The following HGF variants were observed in gnomAD, a reference collection of about 807,000 sequenced individuals.
The protein encoded by HGF is fibroblast-derived tumor cytotoxic factor.
HGF carries 39 observed loss-of-function variants against 111.6 expected under a neutral mutation model. The ratio of observed to expected loss-of-function variants is 0.35; its 90% confidence interval spans 0.27 to 0.46. The LOEUF (loss-of-function observed/expected upper bound fraction) is 0.46. Ranked by LOEUF, HGF falls within the 20% of genes least tolerant of loss-of-function variation. The pLI is 1.00. For synonymous variants in HGF, 285 were observed against 294.8 expected, an observed-to-expected ratio of 0.97 and a Z score of 0.34; for missense variants, 735 against 910.5, an observed-to-expected ratio of 0.81 and a Z score of 2.48.
At chr7:81,727,617 A>C (rs2115917144) in intron 8 of HGF, among the ~76,000 whole-genome samples, 1 of 152,254 alleles carries the variant, frequency 6.6e-6, no homozygotes, top group Middle Eastern at 3.4e-3. Context: ...TATGTGTGTT[A>C]AATTTTACAT....
At chr7:81,750,680 G>A (rs548751990) in intron 5 of HGF, among the ~76,000 whole-genome samples, 2 of 152,106 alleles carry the variant, frequency 1.3e-5, no homozygotes, top group Admixed American at 1.3e-4. Context: ...AACCAGGCAG[G>A]TAACGAAAAT....
intron 7 of HGF, among the ~76,000 whole-genome samples, chr7:81,734,151 TC>T (rs1787752094): frequency 6.6e-6 from 1 of 152,040 alleles, no homozygotes; most frequent in Non-Finnish European, 1.5e-5. Context: ...AAATACAGCA[TC>T]CCCCCATACA....
chr7:81,743,516 A>ACACCACC, intron 6 of HGF, 45 bp from the exon 7 acceptor site: 1 of 1,145,894 alleles, frequency 8.7e-7, no homozygotes, highest in South Asian at 1.2e-5. Context: ...CTGCCTGGAA[A>ACACCACC]CACCACCCAC....
chr7:81,736,894 G>GGTGTGTGTGTGTGT (rs368271908), intron 7 of HGF, among the ~76,000 whole-genome samples: 7,609 of 141,936 alleles, frequency 0.054, 245 homozygotes, highest in East Asian at 0.094. Context: ...TGTGTAGAGG[G>GGTGTGTGTGTGTGT]GTGTGTGTGT....
intron 6 of HGF, among the ~76,000 whole-genome samples, chr7:81,743,961 T>A (rs992827799): frequency 2.0e-5 from 3 of 152,136 alleles, no homozygotes; most frequent in African/African-American, 7.2e-5. Flanking sequence ...CACACTACTT[T>A]CTCCACACCC....
At chr7:81,726,779 C>T (rs1790023546) in intron 8 of HGF, among the ~76,000 whole-genome samples, 3 of 151,782 alleles carry the variant, frequency 2.0e-5, no homozygotes, top group Admixed American at 2.0e-4. Flanking sequence ...CTAATATTCT[C>T]TGTATGTAGA....
chr7:81,759,590 C>T lies in HGF; in HGVS notation c.255-786G>A, dbSNP rs373831676. Among the ~76,000 whole-genome samples, 16 of 150,996 alleles carry T rather than the reference C, an allele frequency of 1.1e-4. No homozygotes were observed. The East Asian group carries it at 1.8e-3, about 17-fold the overall frequency. ...TGTGATCTCGGCTCACTGCAAGCTC[C>T]GCCTCCCGGGTTCACGCCATTCTCC... On this transcript the variant is annotated intron_variant, in intron 2 of 17. Coordinates refer to ENST00000222390, the MANE Select transcript of HGF (RefSeq NM_000601.6).
intron 14 of HGF, 51 bp from the exon 15 acceptor site, chr7:81,706,478 T>C: frequency 7.1e-7 from 1 of 1,409,836 alleles, no homozygotes; most frequent in Non-Finnish European, 1.0e-6. Context: ...TTCCAAATTC[T>C]GTAGTATTAT....
At chr7:81,767,375 T>C (rs1283731318) in intron 1 of HGF, among the ~76,000 whole-genome samples, 3 of 151,872 alleles carry the variant, frequency 2.0e-5, no homozygotes, top group African/African-American at 7.3e-5. Context: ...CACAAAGAAA[T>C]AAGATAACTG....
chr7:81,729,915 G>A, intron 7 of HGF, 136 bp from the exon 8 acceptor site: 11 of 652,330 alleles, frequency 1.7e-5, no homozygotes, highest in South Asian at 8.7e-5. Flanking sequence ...ATAATTGAGT[G>A]GAATAAGAAA....
At chr7:81,718,920 G>T (rs1789783538) in intron 10 of HGF, among the ~76,000 whole-genome samples, 1 of 152,126 alleles carries the variant, frequency 6.6e-6, no homozygotes, top group East Asian at 1.9e-4. Flanking sequence ...AAATAGCAGT[G>T]CTGAAATTAG....
chr7:81,707,549 G>A (rs374011329), intron 13 of HGF, among the ~76,000 whole-genome samples, 185 bp from the exon 14 acceptor site: 9 of 152,160 alleles, frequency 5.9e-5, no homozygotes, highest in East Asian at 1.9e-4. Flanking sequence ...TGATTGTAGC[G>A]TTAGCTTTTT....
chr7:81,712,384 G>A (rs1290628731), intron 11 of HGF, among the ~76,000 whole-genome samples: 1 of 152,076 alleles, frequency 6.6e-6, no homozygotes, highest in Non-Finnish European at 1.5e-5. Context: ...AGATATCAAT[G>A]TCACTAATGG....
At chr7:81,736,566 A>G (rs1787832286) in intron 7 of HGF, among the ~76,000 whole-genome samples, 1 of 152,104 alleles carries the variant, frequency 6.6e-6, no homozygotes, top group Non-Finnish European at 1.5e-5. Context: ...AGGGAGCTCA[A>G]ATGAAGGAGC....
At chr7:81,749,365 A>C (rs1788399671) in intron 5 of HGF, among the ~76,000 whole-genome samples, 1 of 152,164 alleles carries the variant, frequency 6.6e-6, no homozygotes, top group African/African-American at 2.4e-5. Flanking sequence ...CGCTAAAGCA[A>C]GAAAATGGAT....
chr7:81,756,375 G>A, intron 4 of HGF: 1 of 272,896 alleles, frequency 3.7e-6, no homozygotes, highest in South Asian at 1.2e-4. Flanking sequence ...TAAGGGGAGA[G>A]CTGTTTTAAA....
At chr7:81,764,378 T>C (rs990535122) in intron 1 of HGF, among the ~76,000 whole-genome samples, 1 of 152,140 alleles carries the variant, frequency 6.6e-6, no homozygotes, top group African/African-American at 2.4e-5. Flanking sequence ...GCAATGATGC[T>C]TTCATTTTTA....
intron 4 of HGF, among the ~76,000 whole-genome samples, chr7:81,753,865 T>G (rs1387308590): frequency 7.9e-5 from 12 of 152,010 alleles, no homozygotes; most frequent in Non-Finnish European, 4.4e-5. Context: ...AAATTCAGCA[T>G]AATTTCACAA....
chr7:81,748,088 C>G (rs1017250921), intron 5 of HGF, among the ~76,000 whole-genome samples: 2 of 152,186 alleles, frequency 1.3e-5, no homozygotes, highest in Admixed American at 1.3e-4. Flanking sequence ...GAACACAAAT[C>G]TTCTGACCCA....
Sources: allele counts gnomAD v4.1 joint callset (sites outside exome capture counted in the v4.1 genomes callset), GRCh38; gene constraint gnomAD v4.1.1; transcripts MANE v1.5; gene names NCBI Gene and HGNC (gene_info 2026-07-23, HGNC 2026-07-21).